The following SLC23A2 variants were observed in gnomAD, a reference collection of about 807,000 sequenced individuals.
The protein encoded by SLC23A2 is solute carrier family 23 member 2, also known as Na(+)/L-ascorbic acid transporter 2.
In SLC23A2, 36 loss-of-function variants were observed where a neutral mutation model predicts 73.3. That is an observed-to-expected ratio of 0.49 (90% CI 0.38 to 0.65). The LOEUF (loss-of-function observed/expected upper bound fraction) is 0.65. Among genes scored for constraint, SLC23A2 ranks in the 30% least tolerant of loss-of-function variants. The pLI is 0.00. For synonymous variants in SLC23A2, 343 were observed against 327.3 expected, an observed-to-expected ratio of 1.05 and a Z score of -0.52; for missense variants, 507 against 841.6, an observed-to-expected ratio of 0.60 and a Z score of 4.92.
In SLC23A2 at chr20:4,868,236, G is replaced by C. The variant is rs1930287400; in HGVS notation, c.1251-361C>G. ...TTACAGGTTTGCACCACCATGCCTG[G>C]CTAATTTTTGTATTTTTAGTAGAGA... On this transcript the variant is annotated intron_variant, in intron 12 of 16. Transcript: ENST00000338244. The surrounding 1 kb of genome is among the most constrained non-coding windows in gnomAD (Gnocchi z 4.4). Among the ~76,000 whole-genome samples, 1 of 152,058 alleles carries C rather than the reference G, an allele frequency of 6.6e-6. No homozygotes were observed. Among genetic ancestry groups the C allele is most frequent in the African/African-American group, 2.4e-5 (1 of 41,394 alleles).
intron 9 of SLC23A2, among the ~76,000 whole-genome samples, chr20:4,879,249 A>T (rs1002219291): frequency 1.4e-5 from 2 of 147,548 alleles, no homozygotes; most frequent in Admixed American, 1.3e-4. Flanking sequence ...TCTACTAAAA[A>T]TACAAAAAAA....
intron 2 of SLC23A2, among the ~76,000 whole-genome samples, chr20:4,961,097 T>A (rs1267143823): frequency 6.6e-6 from 1 of 151,580 alleles, no homozygotes; most frequent in East Asian, 1.9e-4. Flanking sequence ...ATCCTTTTTT[T>A]TTTTTCTTTT....
At chr20:5,009,203 C>T (rs2088222816) in intron 1 of SLC23A2, among the ~76,000 whole-genome samples, 1 of 152,156 alleles carries the variant, frequency 6.6e-6, no homozygotes, top group Admixed American at 6.6e-5. Context: ...ACTTCTCTGA[C>T]TGTATTTTTT....
At chr20:4,907,145 G>A (rs771456115) in intron 4 of SLC23A2, among the ~76,000 whole-genome samples, 2 of 152,188 alleles carry the variant, frequency 1.3e-5, no homozygotes, top group African/African-American at 2.4e-5. Flanking sequence ...CAGCGATCAA[G>A]GAAAACAGCA....
At chr20:5,008,813 C>G (rs867222621) in intron 1 of SLC23A2, among the ~76,000 whole-genome samples, 1 of 151,864 alleles carries the variant, frequency 6.6e-6, no homozygotes, top group Non-Finnish European at 1.5e-5. Context: ...GTGACCCTCC[C>G]GCCTCAGCCT....
chr20:4,933,337 C>T (rs1045790549), intron 2 of SLC23A2, among the ~76,000 whole-genome samples: 1 of 152,016 alleles, frequency 6.6e-6, no homozygotes, highest in Non-Finnish European at 1.5e-5. Context: ...GGCGCAGTGG[C>T]TCATACCTAT....
chr20:4,865,397 A>G (rs766719695), intron 13 of SLC23A2, among the ~76,000 whole-genome samples: 3 of 152,210 alleles, frequency 2.0e-5, no homozygotes, highest in Non-Finnish European at 4.4e-5. Context: ...CTCAGGTGCC[A>G]TCATTCCTTC....
upstream of SLC23A2, among the ~76,000 whole-genome samples, chr20:5,004,384 T>C (rs2088167032): frequency 6.6e-6 from 1 of 152,226 alleles, no homozygotes; most frequent in African/African-American, 2.4e-5. Flanking sequence ...CCAACACAGA[T>C]ACTGACCCTC....
chr20:4,883,174 T>A lies in SLC23A2; in HGVS notation c.824+468A>T, dbSNP rs1284330026. Among the ~76,000 whole-genome samples, 2 of 151,970 alleles carry A rather than the reference T, an allele frequency of 1.3e-5. No individual in the cohort carries two copies. The highest frequency in any genetic ancestry group is 3.9e-4 in the East Asian group (2 of 5,176). ...CCCCCAACCACCCACCCGTCAGGAG[T>A]GCAGAGCTCAGTGTGGCCTGGGGAG... On this transcript the variant is annotated intron_variant, in intron 9 of 16. Coordinates refer to ENST00000338244, the MANE Select transcript of SLC23A2 (RefSeq NM_005116.6). The surrounding 1 kb of genome is among the most constrained non-coding windows in gnomAD (Gnocchi z 4.5).
chr20:4,924,177 TCTC>T (rs1480945830), intron 3 of SLC23A2, among the ~76,000 whole-genome samples: 8 of 152,122 alleles, frequency 5.3e-5, no homozygotes, highest in African/African-American at 1.9e-4. Context: ...AGGCCCCAGG[TCTC>T]CTCCTGAAGC....
At chr20:4,976,861 A>G (rs1484046804) in intron 1 of SLC23A2, among the ~76,000 whole-genome samples, 1 of 152,050 alleles carries the variant, frequency 6.6e-6, no homozygotes, top group Non-Finnish European at 1.5e-5. Context: ...CTGTAGTCCC[A>G]GCTACTCAGG....
intron 2 of SLC23A2, among the ~76,000 whole-genome samples, chr20:4,944,218 T>C (rs902151594): frequency 6.6e-6 from 1 of 152,170 alleles, no homozygotes; most frequent in Admixed American, 6.5e-5. Flanking sequence ...AGACCTACCT[T>C]GGGGGCTTGG....
intron 2 of SLC23A2, among the ~76,000 whole-genome samples, chr20:4,952,384 G>C (rs1337985475): frequency 6.6e-6 from 1 of 152,174 alleles, no homozygotes; most frequent in Non-Finnish European, 1.5e-5. Flanking sequence ...GTCCACAGCA[G>C]TATTAAATGT....
At chr20:4,930,345 G>C (rs1012790868) in intron 3 of SLC23A2, among the ~76,000 whole-genome samples, 1 of 152,138 alleles carries the variant, frequency 6.6e-6, no homozygotes, top group Non-Finnish European at 1.5e-5. Flanking sequence ...TAGAAAATCT[G>C]TGTCAACCTT....
Position 4,902,334 on chromosome 20 carries a change from TAA to T in SLC23A2, c.324+106_324+107del, listed in dbSNP as rs1931778345. Reference sequence around the variant, plus strand: ...TCATCACTCTTAAAAGAGGAATTTATAAAAGTCTTCAATAAACAAAAACCAAA... The same window carrying T: ...TCATCACTCTTAAAAGAGGAATTTATAAGTCTTCAATAAACAAAAACCAAA... On this transcript the variant is annotated intron_variant, in intron 5 of 16. Coordinates refer to ENST00000338244, the MANE Select transcript of SLC23A2 (RefSeq NM_005116.6). The surrounding 1 kb of genome is among the most constrained non-coding windows in gnomAD (Gnocchi z 4.0). The T allele has an allele frequency of 1.5e-6, 1 of 668,162 alleles. No individual in the cohort carries two copies. The highest frequency in any genetic ancestry group is 1.8e-5 in the African/African-American group (1 of 54,534). The allele number at this position is 668,162 out of a possible 1,614,324, so 41.4% of individuals were successfully genotyped here. A position where few individuals can be genotyped will look rare whatever the true frequency, so the allele number is the denominator to read the frequency against.
At chr20:4,940,302 G>A (rs1328175151) in intron 2 of SLC23A2, among the ~76,000 whole-genome samples, 2 of 152,028 alleles carry the variant, frequency 1.3e-5, no homozygotes, top group Non-Finnish European at 2.9e-5. Context: ...GTGGCAGAGT[G>A]AGACCCCATC....
At chr20:4,934,838 G>A (rs1287869004) in intron 2 of SLC23A2, among the ~76,000 whole-genome samples, 5 of 151,606 alleles carry the variant, frequency 3.3e-5, no homozygotes, top group African/African-American at 1.2e-4. Flanking sequence ...ACTCCAGCCT[G>A]GGCAAAAGAG....
Position 4,945,602 on chromosome 20 carries a change from C to T in SLC23A2, c.-154-12886G>A, listed in dbSNP as rs544852617. ...CCTAGCCAGCGCTCATTTTTCAAAC[C>T]GCAAGTCAGTACCTACTAGTAGGTC... On this transcript the variant is annotated intron_variant, in intron 2 of 16. Coordinates refer to ENST00000338244, the MANE Select transcript of SLC23A2 (RefSeq NM_005116.6). Among the ~76,000 whole-genome samples, 7 of 152,224 alleles carry T rather than the reference C, an allele frequency of 4.6e-5. No homozygotes were observed. In the East Asian group the frequency reaches 5.8e-4, roughly 13 times the overall value.
chr20:4,914,292 G>A (rs1338355408), intron 3 of SLC23A2, among the ~76,000 whole-genome samples: 3 of 151,822 alleles, frequency 2.0e-5, no homozygotes, highest in African/African-American at 7.3e-5. Context: ...AAATGGGCAA[G>A]GGCTAGGAAT....
Sources: gnomAD v4.1 joint callset for allele counts (sites outside exome capture counted in the v4.1 genomes callset) on GRCh38, gnomAD v4.1.1 for gene constraint, Gnocchi (gnomAD v3.1) non-coding constraint, MANE v1.5 for transcripts, NCBI Gene and HGNC (gene_info 2026-07-23, HGNC 2026-07-21) for gene names.